Variants in WDFY4 observed in about 807,000 individuals in gnomAD.
The protein encoded by WDFY4 is WDFY family member 4, also known as WD repeat- and FYVE domain-containing protein 4.
Under a neutral mutation model 351.9 loss-of-function variants are expected in WDFY4, and 169 were observed. The observed-to-expected ratio is 0.48, with a 90% CI of 0.42 to 0.55. The LOEUF is 0.55. WDFY4 is among the 20% of genes least tolerant of loss of function. The pLI is 0.00. For missense variants in WDFY4, 3,803 were observed against 3,935.6 expected (o/e 0.97, Z 0.90); for synonymous variants, 1,622 against 1,574.6 (o/e 1.03, Z -0.71).
At chr10:48,840,875 C>A (rs760145851) in intron 39 of WDFY4, among the ~76,000 whole-genome samples, 105 of 152,100 alleles carry the variant, frequency 6.9e-4, no homozygotes, top group Admixed American at 1.0e-3. Context: ...ACACTGATAC[C>A]TTTAATGATG....
intron 35 of WDFY4, among the ~76,000 whole-genome samples, chr10:48,824,716 C>T (rs2067938085): frequency 6.6e-6 from 1 of 152,140 alleles, no homozygotes. Context: ...TGCAGTTCAC[C>T]TCAGCCTCGA....
At position 48,968,893 on chromosome 10, in the gene WDFY4, A is replaced by C. The variant is rs564680607; in HGVS notation, c.8585-171A>C. 23 of 660,340 alleles carry C rather than the reference A, an allele frequency of 3.5e-5. No individual in the cohort carries two copies. In the Admixed American group the frequency reaches 4.6e-4, roughly 13 times the overall value. The allele number at this position is 660,340 out of a possible 1,614,324, so 40.9% of individuals were successfully genotyped here. On this transcript the variant is annotated intron_variant, in intron 55 of 61. Coordinates refer to ENST00000325239, the MANE Select transcript of WDFY4 (RefSeq NM_001394531.1). ...TGCTGTCCTTCTGTGCATAAGTTCA[A>C]GTCCAGTGTGTCTGCCTGTCACTCC...
rs906529055 is a variant in WDFY4, at chr10:48,723,508, C to A, written c.532C>A (p.Pro178Thr). Residue 178 changes from proline to threonine, a missense_variant, in exon 5 of 62, where the codon CCT (proline) becomes ACT (threonine). Physicochemically the swap from Pro to Thr is conservative, Grantham distance 38. This residue lies in a region of WDFY4 where 488 missense variants were observed against 456.8 expected (regional missense o/e 1.07). Coordinates refer to ENST00000325239, the MANE Select transcript of WDFY4 (RefSeq NM_001394531.1). ...LQCLYLFFVF[P>T]LDKDELLESD... ...GTGCCTTTACCTCTTCTTTGTCTTT[C>A]CTCTGGACAAAGATGAGCTTCTTGA... The A allele has an allele frequency of 3.2e-5, 49 of 1,551,568 alleles. No individual in the cohort carries two copies. Among genetic ancestry groups the A allele is most frequent in the Non-Finnish European group, 4.2e-5 (48 of 1,147,048 alleles).
At position 48,795,520 on chromosome 10, in the gene WDFY4, TATACATATATATATACAC is replaced by T. The variant is rs1317045031; in HGVS notation, c.4258-776_4258-759del. Among the ~76,000 whole-genome samples, 248 of 85,520 alleles carry T rather than the reference TATACATATATATATACAC, an allele frequency of 2.9e-3. 10 individuals carry two copies. The highest frequency in any genetic ancestry group is 0.015 in the African/African-American group (222 of 15,258). 56.1% of individuals were successfully genotyped at this position (85,520 alleles called of 152,430 possible). ...ATATATATATATATATATATATATA[TATACATATATATATACAC>T]ACACATGAATAGTCTGGAAAGATAT... On this transcript the variant is annotated intron_variant, in intron 23 of 61. Transcript: ENST00000325239.
intron 1 of WDFY4, among the ~76,000 whole-genome samples, chr10:48,695,813 G>T (rs2063316733): frequency 6.6e-6 from 1 of 152,084 alleles, no homozygotes; most frequent in Non-Finnish European, 1.5e-5. Flanking sequence ...CCAGCCAGGG[G>T]AACTGCTCCC....
At position 48,970,238 on chromosome 10, in the gene WDFY4, GT is replaced by G; in HGVS notation, c.8878del (p.Trp2960GlyfsTer5). 1 of 1,551,706 alleles carries G rather than the reference GT, an allele frequency of 6.4e-7. No individual in the cohort carries two copies. The highest frequency in any genetic ancestry group is 8.7e-7 in the Non-Finnish European group (1 of 1,147,010). On this transcript the variant is annotated frameshift_variant, in exon 57 of 62. Transcript: ENST00000325239. LOFTEE classifies it high-confidence loss of function. ...CTGGGACCAGCACTGTGGTGTGTGT[GT>G]GGGAGCTCAGCATGACCAAAGGCCG... Reference protein sequence around the residue: ...TSGTSTVVCVWELSMTKGRPR... With the variant: ...TSGTSTVVCVXELSMTKGRPR...
chr10:48,772,389 C>T (rs932091962), intron 13 of WDFY4, among the ~76,000 whole-genome samples: 1 of 151,810 alleles, frequency 6.6e-6, no homozygotes, highest in African/African-American at 2.4e-5. Context: ...GTGCGTGTAC[C>T]TGTGTGTATG....
In WDFY4 at chr10:48,946,108, A is replaced by G; in HGVS notation, c.7818A>G (p.Glu2606=). The change falls in exon 50 of 62, where the codon GAA becomes GAG. Residue 2606 remains glutamate, a synonymous_variant. Transcript: ENST00000325239. ...LSKPMGAQTK[E]RKLKFIQRFK... ...AGCCCATGGGGGCTCAGACCAAGGA[A>G]AGGAAGCTGAAATTTATCCAGAGGT... is the stretch of plus-strand genomic sequence containing the variant. 1 of 1,549,012 alleles carries G rather than the reference A, an allele frequency of 6.5e-7. No individual in the cohort carries two copies. Among genetic ancestry groups the G allele is most frequent in the South Asian group, 1.2e-5 (1 of 83,146 alleles).
chr10:48,982,668 C>G lies in WDFY4; in HGVS notation c.*93C>G. The G allele has an allele frequency of 7.8e-7, 1 of 1,277,072 alleles. No individual in the cohort carries two copies. 79.1% of individuals were successfully genotyped at this position (1,277,072 alleles called of 1,614,324 possible). On this transcript the variant is annotated 3_prime_UTR_variant, in exon 62 of 62. Transcript: ENST00000325239. Reference sequence around the variant, plus strand: ...CTGAGCTCTGCCTACAGAAGAAACCCCCAGGGCCTCCTTCCCCACAGTTCT... The same window carrying G: ...CTGAGCTCTGCCTACAGAAGAAACCGCCAGGGCCTCCTTCCCCACAGTTCT...
At chr10:48,717,566 C>T (rs17771443) in intron 2 of WDFY4, among the ~76,000 whole-genome samples, 22,684 of 152,200 alleles carry the variant, frequency 0.15, 2,117 homozygotes, top group Non-Finnish European at 0.21. Flanking sequence ...TTTGGGGTGC[C>T]TCATTCCCTG....
intron 51 of WDFY4, among the ~76,000 whole-genome samples, chr10:48,951,759 G>A (rs1311286769): frequency 1.3e-5 from 2 of 152,206 alleles, no homozygotes; most frequent in African/African-American, 2.4e-5. Context: ...GTCACTAGGA[G>A]GTCAGGCCCC....
chr10:48,754,125 G>A (rs2065260503), intron 12 of WDFY4, among the ~76,000 whole-genome samples: 1 of 151,942 alleles, frequency 6.6e-6, no homozygotes, highest in Non-Finnish European at 1.5e-5. Flanking sequence ...ACTTGGTCAT[G>A]ACATATAATC....
intron 40 of WDFY4, among the ~76,000 whole-genome samples, chr10:48,870,061 G>C (rs528479244): frequency 1.3e-5 from 2 of 152,156 alleles, no homozygotes; most frequent in African/African-American, 4.8e-5. Flanking sequence ...CAGCCCTAGG[G>C]GGTGGTGCCT....
chr10:48,802,620 G>A, intron 24 of WDFY4: 1 of 452,822 alleles, frequency 2.2e-6, no homozygotes, highest in Non-Finnish European at 4.6e-6. Context: ...TGCCCCAGAA[G>A]GATCACTAGC....
At position 48,731,550 on chromosome 10, in the gene WDFY4, A is replaced by T. The variant is rs1255974022; in HGVS notation, c.1570A>T (p.Met524Leu). The change falls in exon 9 of 62, where the codon ATG becomes TTG. Residue 524 changes from methionine (M) to leucine (L), a missense_variant. Physicochemically the swap from Met to Leu is conservative, Grantham distance 15 (BLOSUM62 2). This residue lies in a region of WDFY4 where 261 missense variants were observed against 330.2 expected (regional missense o/e 0.79). Transcript: ENST00000325239. The part of the protein sequence containing the change: ...LAQLRKQAKI[M>L]RKSGNKVSTP... Reference sequence around the variant, plus strand: ...ACAGCTTCGGAAGCAAGCCAAGATCATGAGGAAGTCAGGTGCCACTGGGTG... The same window carrying T: ...ACAGCTTCGGAAGCAAGCCAAGATCTTGAGGAAGTCAGGTGCCACTGGGTG... The T allele has an allele frequency of 4.5e-6, 7 of 1,550,574 alleles. No individual in the cohort carries two copies. Among genetic ancestry groups the T allele is most frequent in the Non-Finnish European group, 8.7e-7 (1 of 1,146,768 alleles).
At chr10:48,854,696 T>C (rs2069077168) in intron 39 of WDFY4, among the ~76,000 whole-genome samples, 2 of 152,220 alleles carry the variant, frequency 1.3e-5, no homozygotes, top group South Asian at 4.1e-4. Flanking sequence ...ACTGTTATTC[T>C]GTAGTGCTCA....
At chr10:48,955,975 C>A (rs1482502719) in intron 51 of WDFY4, among the ~76,000 whole-genome samples, 1 of 152,208 alleles carries the variant, frequency 6.6e-6, no homozygotes, top group Admixed American at 6.5e-5. Flanking sequence ...TATTGAATCC[C>A]AGGCAGAAGG....
chr10:48,933,627 T>C (rs1840168080), intron 47 of WDFY4, among the ~76,000 whole-genome samples: 1 of 152,134 alleles, frequency 6.6e-6, no homozygotes, highest in African/African-American at 2.4e-5. Flanking sequence ...GAAGCATGCA[T>C]GTGTTATTAG....
At chr10:48,872,951 A>G (rs929318792) in intron 40 of WDFY4, among the ~76,000 whole-genome samples, 1 of 152,196 alleles carries the variant, frequency 6.6e-6, no homozygotes, top group Non-Finnish European at 1.5e-5. Context: ...ATTTCGTTGG[A>G]GATTCTGAGA....
Sources: allele counts gnomAD v4.1 joint callset (sites outside exome capture counted in the v4.1 genomes callset), GRCh38; gene constraint gnomAD v4.1.1; regional missense constraint gnomAD v4.1.1; transcripts MANE v1.5; gene names NCBI Gene and HGNC (gene_info 2026-07-23, HGNC 2026-07-21).